Variants in GAS7 observed in about 807,000 individuals in gnomAD.
GAS7 encodes growth arrest-specific protein 7.
Under a neutral mutation model 71.1 loss-of-function variants are expected in GAS7, and 28 were observed. The observed-to-expected ratio is 0.39, with a 90% CI of 0.29 to 0.54. The LOEUF is 0.54. GAS7 is among the 20% of genes least tolerant of loss of function. GAS7 has a pLI of 0.62. For synonymous variants in GAS7, 258 were observed against 245.8 expected, an observed-to-expected ratio of 1.05 and a Z score of -0.46; for missense variants, 436 against 627.8, an observed-to-expected ratio of 0.69 and a Z score of 3.27.
intron 1 of GAS7, among the ~76,000 whole-genome samples, chr17:10,148,708 G>A (rs1026061013): frequency 2.0e-5 from 3 of 151,354 alleles, no homozygotes; most frequent in African/African-American, 4.9e-5. Flanking sequence ...TCAGGAGATC[G>A]AGACCATCCT....
chr17:10,143,514 C>A (rs2074099511), intron 1 of GAS7, among the ~76,000 whole-genome samples: 2 of 147,854 alleles, frequency 1.4e-5, no homozygotes, highest in East Asian at 4.0e-4. Context: ...TGCACTACAG[C>A]CTGGGCAACG....
intron 9 of GAS7, among the ~76,000 whole-genome samples, chr17:9,930,404 TG>T (rs1349580989): frequency 6.6e-6 from 1 of 152,178 alleles, no homozygotes; most frequent in Non-Finnish European, 1.5e-5. Flanking sequence ...TCACAGAGCT[TG>T]TTAGTGACAA....
chr17:10,124,816 G>T (rs1200894329), intron 1 of GAS7, among the ~76,000 whole-genome samples: 31 of 152,142 alleles, frequency 2.0e-4, no homozygotes. Context: ...TACTCAGGAG[G>T]CTGAGGCAAG....
chr17:10,098,534 T>A (rs1350648899), intron 1 of GAS7, among the ~76,000 whole-genome samples: 2 of 152,232 alleles, frequency 1.3e-5, no homozygotes, highest in Admixed American at 1.3e-4. Flanking sequence ...CTTGTCCCAG[T>A]GGCCGAGACA....
intron 1 of GAS7, among the ~76,000 whole-genome samples, chr17:10,166,708 T>G (rs2142125731): frequency 6.6e-6 from 1 of 152,350 alleles, no homozygotes; most frequent in East Asian, 1.9e-4. Context: ...ATTTTTTAAG[T>G]AAAAATTTTC....
chr17:10,056,018 T>G (rs1234483356), intron 1 of GAS7, among the ~76,000 whole-genome samples: 2 of 152,232 alleles, frequency 1.3e-5, no homozygotes, highest in Non-Finnish European at 2.9e-5. Context: ...TCCCAGCCCC[T>G]GCAGACTGTA....
intron 1 of GAS7, among the ~76,000 whole-genome samples, chr17:10,068,358 T>C (rs1247129673): frequency 6.6e-6 from 1 of 152,130 alleles, no homozygotes; most frequent in Non-Finnish European, 1.5e-5. Context: ...TTTCCTTCCC[T>C]GACCTGAAAA....
At chr17:9,949,291 C>T (rs557797847) in intron 5 of GAS7, among the ~76,000 whole-genome samples, 12 of 152,248 alleles carry the variant, frequency 7.9e-5, no homozygotes, top group Middle Eastern at 3.4e-3. Flanking sequence ...CCAGTGCTGA[C>T]GGATTATGTG....
intron 2 of GAS7, among the ~76,000 whole-genome samples, chr17:9,989,524 T>C (rs2070763181): frequency 6.6e-6 from 1 of 152,206 alleles, no homozygotes; most frequent in Non-Finnish European, 1.5e-5. Context: ...AATGTGTATG[T>C]GTATAAAATT....
chr17:9,998,343 G>A (rs73262590), intron 2 of GAS7, among the ~76,000 whole-genome samples: 4,781 of 152,314 alleles, frequency 0.031, 258 homozygotes, highest in African/African-American at 0.11. Flanking sequence ...TGCTATGGGC[G>A]TGACTACTTG....
intron 1 of GAS7, among the ~76,000 whole-genome samples, chr17:10,099,371 G>C (rs921491458): frequency 6.6e-6 from 1 of 152,216 alleles, no homozygotes; most frequent in Non-Finnish European, 1.5e-5. Context: ...TCTGCCTGCA[G>C]CAGGGTACAA....
At chr17:10,011,469 C>T (rs2071770132) in intron 2 of GAS7, among the ~76,000 whole-genome samples, 1 of 152,182 alleles carries the variant, frequency 6.6e-6, no homozygotes, top group African/African-American at 2.4e-5. Flanking sequence ...CTCCTCCTTG[C>T]AGCCCTTCCA....
intron 2 of GAS7, among the ~76,000 whole-genome samples, chr17:10,017,209 T>C (rs187877894): frequency 6.6e-6 from 1 of 152,014 alleles, no homozygotes; most frequent in Non-Finnish European, 1.5e-5. Flanking sequence ...GACAAGTCCT[T>C]GTGGAGCCAA....
intron 1 of GAS7, among the ~76,000 whole-genome samples, chr17:10,129,608 A>G (rs1378285595): frequency 6.6e-6 from 1 of 152,236 alleles, no homozygotes; most frequent in Non-Finnish European, 1.5e-5. Context: ...TGATGCCTTC[A>G]TAGATATGAC....
At chr17:10,095,893 T>C (rs1217730111) in intron 1 of GAS7, among the ~76,000 whole-genome samples, 1 of 151,976 alleles carries the variant, frequency 6.6e-6, no homozygotes, top group Non-Finnish European at 1.5e-5. Context: ...TTTAACCCAG[T>C]CCTTTCCCTT....
At chr17:10,145,556 C>G (rs530210672) in intron 1 of GAS7, among the ~76,000 whole-genome samples, 1 of 152,310 alleles carries the variant, frequency 6.6e-6, no homozygotes, top group Admixed American at 6.5e-5. Flanking sequence ...AGCACTCAGG[C>G]CCCCCAGGAC....
intron 1 of GAS7, among the ~76,000 whole-genome samples, chr17:10,162,948 G>A (rs1430117058): frequency 1.3e-5 from 2 of 152,094 alleles, no homozygotes; most frequent in African/African-American, 4.8e-5. Flanking sequence ...ACAATGTGAT[G>A]TGCTTAATAC....
intron 1 of GAS7, among the ~76,000 whole-genome samples, chr17:10,046,390 C>A: frequency 6.9e-6 from 1 of 144,658 alleles, no homozygotes; most frequent in African/African-American, 2.7e-5. Context: ...CAAACAGAAT[C>A]GGAGGAAAAA....
chr17:10,087,718 T>C (rs1329802229), intron 1 of GAS7, among the ~76,000 whole-genome samples: 1 of 152,178 alleles, frequency 6.6e-6, no homozygotes, highest in Non-Finnish European at 1.5e-5. Context: ...TTCTGAACTC[T>C]TTATCATAGA....
Sources: allele counts gnomAD v4.1 joint callset (sites outside exome capture counted in the v4.1 genomes callset), GRCh38; gene constraint gnomAD v4.1.1; transcripts MANE v1.5; gene names NCBI Gene and HGNC (gene_info 2026-07-23, HGNC 2026-07-21).